The following C8orf34 variants were observed in gnomAD, a reference collection of about 807,000 sequenced individuals.
C8orf34 encodes the protein chromosome 8 open reading frame 34.
Under a neutral mutation model 68.3 loss-of-function variants are expected in C8orf34, and 65 were observed. That is an observed-to-expected ratio of 0.95 (90% CI 0.78 to 1.17). The LOEUF (loss-of-function observed/expected upper bound fraction) is 1.17, where lower values mean the gene tolerates loss of function less well. Among genes scored for constraint, C8orf34 ranks in the 50% most tolerant of loss-of-function variants. C8orf34 has a pLI of 0.00. For missense variants in C8orf34, 664 were observed against 655.4 expected (o/e 1.01, Z -0.14); for synonymous variants, 244 against 241.2 (o/e 1.01, Z -0.11).
intron 12 of C8orf34, among the ~76,000 whole-genome samples, chr8:68,812,291 G>A (rs999200290): frequency 6.6e-6 from 1 of 152,150 alleles, no homozygotes; most frequent in African/African-American, 2.4e-5. Flanking sequence ...CATTAAGTAT[G>A]TTTTCAATCC....
intron 7 of C8orf34, among the ~76,000 whole-genome samples, chr8:68,613,007 C>T (rs1818068324): frequency 6.6e-6 from 1 of 152,128 alleles, no homozygotes; most frequent in African/African-American, 2.4e-5. Context: ...ATTAATGCTC[C>T]ATCCACTTGA....
At chr8:68,803,651 C>G (rs16935087) in intron 12 of C8orf34, among the ~76,000 whole-genome samples, 2 of 151,820 alleles carry the variant, frequency 1.3e-5, no homozygotes, top group African/African-American at 2.4e-5. Context: ...CAGGAAAAAT[C>G]TAAACAATTG....
intron 7 of C8orf34, among the ~76,000 whole-genome samples, chr8:68,599,188 G>T (rs1184770235): frequency 6.6e-6 from 1 of 151,766 alleles, no homozygotes; most frequent in Non-Finnish European, 1.5e-5. Context: ...CAAAATTGAG[G>T]GTCTACATAA....
intron 7 of C8orf34, among the ~76,000 whole-genome samples, chr8:68,573,826 G>A (rs1301608505): frequency 6.6e-6 from 1 of 152,078 alleles, no homozygotes; most frequent in African/African-American, 2.4e-5. Flanking sequence ...CTTTGTTCAA[G>A]TTTAGTCATT....
intron 3 of C8orf34, among the ~76,000 whole-genome samples, chr8:68,450,346 A>C (rs12544648): frequency 0.11 from 16,743 of 152,136 alleles, 1,018 homozygotes; most frequent in African/African-American, 0.14. Context: ...AACTCCTGTT[A>C]ATATAAATAT....
At chr8:68,778,460 T>A (rs78625938) in intron 11 of C8orf34, among the ~76,000 whole-genome samples, 14,162 of 152,140 alleles carry the variant, frequency 0.093, 906 homozygotes, top group Non-Finnish European at 0.15. Flanking sequence ...TGAGACAGAA[T>A]CATAACCACA....
intron 7 of C8orf34, among the ~76,000 whole-genome samples, chr8:68,594,933 A>G (rs1372541270): frequency 6.6e-6 from 1 of 151,628 alleles, no homozygotes; most frequent in Non-Finnish European, 1.5e-5. Flanking sequence ...AAATTTACAG[A>G]TTTATTTTTA....
chr8:68,403,514 C>T (rs558732386), intron 1 of C8orf34, among the ~76,000 whole-genome samples: 119 of 152,236 alleles, frequency 7.8e-4, no homozygotes, highest in African/African-American at 2.8e-3. Context: ...AGGTATTTCT[C>T]CTAATGCTAT....
At chr8:68,369,300 C>A (rs1807452395) in intron 1 of C8orf34, among the ~76,000 whole-genome samples, 1 of 152,204 alleles carries the variant, frequency 6.6e-6, no homozygotes, top group African/African-American at 2.4e-5. Context: ...AGTGGACAAC[C>A]AAATATGCTT....
At chr8:68,405,439 G>A (rs1325458011) in intron 1 of C8orf34, among the ~76,000 whole-genome samples, 1 of 152,182 alleles carries the variant, frequency 6.6e-6, no homozygotes, top group Non-Finnish European at 1.5e-5. Context: ...GGACCAGGCT[G>A]ACCATTGCAT....
chr8:68,777,663 A>C (rs1046075045), intron 11 of C8orf34, among the ~76,000 whole-genome samples: 4 of 152,206 alleles, frequency 2.6e-5, no homozygotes, highest in African/African-American at 9.6e-5. Context: ...ATTTATATGC[A>C]TCTTAAAAGT....
At chr8:68,550,906 G>T (rs11996686) in intron 7 of C8orf34, among the ~76,000 whole-genome samples, 38,771 of 146,180 alleles carry the variant, frequency 0.27, 7,993 homozygotes, top group African/African-American at 0.58. Flanking sequence ...TGTTTTGTTT[G>T]TTCTGCTTCC....
chr8:68,802,777 G>A (rs964037009), intron 12 of C8orf34, among the ~76,000 whole-genome samples: 3 of 151,990 alleles, frequency 2.0e-5, no homozygotes, highest in Non-Finnish European at 4.4e-5. Context: ...CAAAGTTTTC[G>A]GGCTACAGGC....
intron 9 of C8orf34, 65 bp downstream of exon 9, chr8:68,709,144 G>A: frequency 8.0e-7 from 1 of 1,256,490 alleles, no homozygotes. Flanking sequence ...AAGAAGTAAA[G>A]GAAAAAAACT....
At chr8:68,436,991 C>G (rs1810693332) in intron 1 of C8orf34, among the ~76,000 whole-genome samples, 1 of 152,190 alleles carries the variant, frequency 6.6e-6, no homozygotes, top group Non-Finnish European at 1.5e-5. Context: ...AAGTGAGAAG[C>G]AGGGTAATTA....
chr8:68,376,724 A>G (rs1169241555), intron 1 of C8orf34, among the ~76,000 whole-genome samples: 1 of 151,904 alleles, frequency 6.6e-6, no homozygotes, highest in Non-Finnish European at 1.5e-5. Context: ...AGTATGTTGT[A>G]TGCCTTTTGA....
chr8:68,629,755 G>T (rs980380960), intron 7 of C8orf34, among the ~76,000 whole-genome samples: 2 of 151,794 alleles, frequency 1.3e-5, no homozygotes, highest in African/African-American at 4.8e-5. Context: ...AATGTAATAG[G>T]TGTGTGTGTG....
At chr8:68,725,197 T>C (rs1010105325) in intron 10 of C8orf34, among the ~76,000 whole-genome samples, 1 of 152,218 alleles carries the variant, frequency 6.6e-6, no homozygotes, top group Non-Finnish European at 1.5e-5. Flanking sequence ...AAGTATTAAA[T>C]AAACATATGG....
chr8:68,537,972 A>T (rs1815548477), intron 7 of C8orf34, among the ~76,000 whole-genome samples: 2 of 152,160 alleles, frequency 1.3e-5, no homozygotes, highest in Admixed American at 1.3e-4. Context: ...GGTAAAAATA[A>T]ATCAACATAG....
Sources: allele counts gnomAD v4.1 joint callset (sites outside exome capture counted in the v4.1 genomes callset), GRCh38; gene constraint gnomAD v4.1.1; transcripts MANE v1.5; gene names NCBI Gene and HGNC (gene_info 2026-07-23, HGNC 2026-07-21).